Variants in DNM3 observed in about 807,000 individuals in gnomAD.
The protein encoded by DNM3 is dynamin-3.
In DNM3, 47 loss-of-function variants were observed where a neutral mutation model predicts 101.6. The ratio of observed to expected loss-of-function variants is 0.46; its 90% CI spans 0.37 to 0.59. The LOEUF (loss-of-function observed/expected upper bound fraction) is 0.59, where lower values mean the gene tolerates loss of function less well. Among genes scored for constraint, DNM3 ranks in the 20% least tolerant of loss-of-function variants. The pLI, the probability that DNM3 is intolerant of heterozygous loss-of-function variation, is 0.00. For synonymous variants in DNM3, 385 were observed against 387.9 expected (o/e 0.99, Z 0.09); for missense variants, 849 against 1,085.7 (o/e 0.78, Z 3.06).
At chr1:172,360,802 TTTC>T (rs1459990564) in intron 17 of DNM3, among the ~76,000 whole-genome samples, 1 of 152,056 alleles carries the variant, frequency 6.6e-6, no homozygotes, top group Non-Finnish European at 1.5e-5. Context: ...CTGTTTACAT[TTTC>T]TTCTTAGGAC....
At chr1:171,927,772 G>A (rs2040696874) in intron 2 of DNM3, among the ~76,000 whole-genome samples, 2 of 152,180 alleles carry the variant, frequency 1.3e-5, no homozygotes, top group South Asian at 2.1e-4. Flanking sequence ...TCCTTGGATT[G>A]GGTTTTGCCA....
At position 172,379,051 on chromosome 1, in the gene DNM3, T is replaced by G; in HGVS notation, c.1927T>G (p.Phe643Val). The G allele has an allele frequency of 6.2e-7, 1 of 1,612,280 alleles. No individual in the cohort carries two copies. Among genetic ancestry groups the G allele is most frequent in the Non-Finnish European group, 8.5e-7 (1 of 1,178,922 alleles). Reference sequence around the variant, plus strand: ...TGATGAGAATGGACAAGCAGAAAACTTTTCCATGGACCCACAATTGGAGAG... The same window carrying G: ...TGATGAGAATGGACAAGCAGAAAACGTTTCCATGGACCCACAATTGGAGAG... ...ENDENGQAEN[F>V]SMDPQLERQV... The change falls in exon 18 of 21, where the codon TTT becomes GTT. Residue 643 changes from phenylalanine (F) to valine (V), a missense_variant. Phe to Val is a conservative substitution (Grantham distance 50). Around this residue, in one of 5 missense-constraint regions of DNM3, gnomAD observed 256 missense variants for 311.7 expected, o/e 0.82. Coordinates refer to ENST00000627582, the MANE Select transcript of DNM3 (RefSeq NM_015569.5).
intron 17 of DNM3, among the ~76,000 whole-genome samples, chr1:172,330,035 G>T (rs12136275): frequency 6.6e-6 from 1 of 152,138 alleles, no homozygotes; most frequent in Non-Finnish European, 1.5e-5. Flanking sequence ...ACATGTTGCC[G>T]ACTCTGCATG....
intron 1 of DNM3, among the ~76,000 whole-genome samples, chr1:171,891,905 A>G (rs2037316019): frequency 6.6e-6 from 1 of 152,184 alleles, no homozygotes; most frequent in African/African-American, 2.4e-5. Context: ...CCCACACTTA[A>G]GGAGTGGGGA....
chr1:172,226,835 G>A (rs1223317521), intron 14 of DNM3, among the ~76,000 whole-genome samples: 1 of 152,042 alleles, frequency 6.6e-6, no homozygotes, highest in Non-Finnish European at 1.5e-5. Flanking sequence ...TTTCTTTAGG[G>A]TATATTACTA....
At chr1:172,212,748 A>G (rs748623237) in intron 14 of DNM3, among the ~76,000 whole-genome samples, 2 of 152,194 alleles carry the variant, frequency 1.3e-5, no homozygotes, top group Non-Finnish European at 2.9e-5. Context: ...AGGAAAGATC[A>G]GATAATTCTA....
At chr1:172,111,682 G>A (rs544285739) in intron 13 of DNM3, among the ~76,000 whole-genome samples, 4 of 152,292 alleles carry the variant, frequency 2.6e-5, no homozygotes, top group East Asian at 1.9e-4. Flanking sequence ...ACACAGTGGC[G>A]AGTAATTCAA....
chr1:172,203,152 A>G (rs2060209355), intron 14 of DNM3, among the ~76,000 whole-genome samples: 1 of 152,188 alleles, frequency 6.6e-6, no homozygotes. Flanking sequence ...TTCAGGACAA[A>G]GAATGAGCTG....
chr1:171,929,356 A>T (rs2040825665), intron 2 of DNM3, among the ~76,000 whole-genome samples: 1 of 152,194 alleles, frequency 6.6e-6, no homozygotes, highest in African/African-American at 2.4e-5. Context: ...ACACATTTTA[A>T]AAAGCGGTCT....
At chr1:172,047,174 GA>G (rs1409769624) in intron 9 of DNM3, among the ~76,000 whole-genome samples, 1 of 152,096 alleles carries the variant, frequency 6.6e-6, no homozygotes, top group Admixed American at 6.6e-5. Flanking sequence ...CTTTGCCCAT[GA>G]AGGACTTGAT....
At chr1:171,941,664 C>A (rs954219012) in intron 2 of DNM3, among the ~76,000 whole-genome samples, 1 of 152,140 alleles carries the variant, frequency 6.6e-6, no homozygotes, top group African/African-American at 2.4e-5. Context: ...AGGGCAGAGA[C>A]CAGTGTGTAA....
At chr1:172,348,593 A>T (rs1325682710) in intron 17 of DNM3, among the ~76,000 whole-genome samples, 1 of 152,222 alleles carries the variant, frequency 6.6e-6, no homozygotes, top group Non-Finnish European at 1.5e-5. Context: ...TATTTTGTGT[A>T]CTGAAATAAA....
intron 14 of DNM3, among the ~76,000 whole-genome samples, chr1:172,146,496 T>C (rs913890783): frequency 6.6e-6 from 1 of 152,138 alleles, no homozygotes; most frequent in African/African-American, 2.4e-5. Context: ...TTTGCTTCCA[T>C]ATTTGTGTCT....
intron 13 of DNM3, among the ~76,000 whole-genome samples, chr1:172,128,824 T>C (rs911600399): frequency 1.3e-5 from 2 of 152,210 alleles, no homozygotes; most frequent in African/African-American, 2.4e-5. Context: ...CTCCTAGATA[T>C]TTCTTCAGTA....
At chr1:172,346,122 CAAAAAAAAAAAA>C (rs554868535) in intron 17 of DNM3, among the ~76,000 whole-genome samples, 2 of 92,158 alleles carry the variant, frequency 2.2e-5, no homozygotes, top group Non-Finnish European at 4.4e-5. Context: ...GACTCCGTCT[CAAAAAAAAAAAA>C]AAAAAAAAGA....
At chr1:171,925,708 T>C (rs2040517237) in intron 2 of DNM3, among the ~76,000 whole-genome samples, 1 of 152,238 alleles carries the variant, frequency 6.6e-6, no homozygotes, top group Admixed American at 6.5e-5. Flanking sequence ...GTCTTTAGTT[T>C]AGTTAAGTCC....
intron 14 of DNM3, among the ~76,000 whole-genome samples, chr1:172,151,901 T>A (rs1325940639): frequency 6.6e-6 from 1 of 152,050 alleles, no homozygotes. Context: ...TTTGTTTGTT[T>A]GAAACACTCT....
Position 172,387,327 on chromosome 1 carries a change from A to C in DNM3, c.2253A>C (p.Pro751=), listed in dbSNP as rs372157348. The C allele has an allele frequency of 6.2e-7, 1 of 1,613,780 alleles. No individual in the cohort carries two copies. The highest frequency in any genetic ancestry group is 8.5e-7 in the Non-Finnish European group (1 of 1,179,806). ...TATVSTPAPP[P]VDDSWIQHSR... ...CCGTGTCCACTCCGGCACCCCCTCC[A>C]GTGGATGACTCCTGGATACAGCACT... The change falls in exon 19 of 21, where the codon CCA becomes CCC. Residue 751 remains proline (P), a synonymous_variant. Coordinates refer to ENST00000627582, the MANE Select transcript of DNM3 (RefSeq NM_015569.5).
chr1:171,857,516 T>C (rs1056228623), intron 1 of DNM3, among the ~76,000 whole-genome samples: 1 of 152,186 alleles, frequency 6.6e-6, no homozygotes, highest in South Asian at 2.1e-4. Context: ...AGATCTTCCA[T>C]TCTACCATCA....
Sources: allele counts gnomAD v4.1 joint callset (sites outside exome capture counted in the v4.1 genomes callset), GRCh38; gene constraint gnomAD v4.1.1; regional missense constraint gnomAD v4.1.1; transcripts MANE v1.5; gene names NCBI Gene and HGNC (gene_info 2026-07-23, HGNC 2026-07-21).